DDHD1: variants seen among roughly 807,000 people sequenced by gnomAD.
The protein encoded by DDHD1 is phospholipase DDHD1.
A neutral mutation model predicts 96.4 loss-of-function variants in DDHD1; 49 were observed. That is an observed-to-expected ratio of 0.51 (90% confidence interval 0.40 to 0.64). The LOEUF (loss-of-function observed/expected upper bound fraction) is 0.64, where lower values mean the gene tolerates loss of function less well. DDHD1 is among the 30% of genes least tolerant of loss of function. DDHD1 has a pLI of 0.00. For missense variants in DDHD1, 1,106 were observed against 1,161.2 expected (o/e 0.95, Z 0.69); for synonymous variants, 442 against 446.5 (o/e 0.99, Z 0.13).
At chr14:53,134,293 A>G (rs913028714) in intron 1 of DDHD1, among the ~76,000 whole-genome samples, 9 of 152,036 alleles carry the variant, frequency 5.9e-5, no homozygotes, top group African/African-American at 9.7e-5. Flanking sequence ...ATCATAGCGG[A>G]TATCTCCTGG....
At chr14:53,067,961 T>C (rs1277168294) in intron 6 of DDHD1, among the ~76,000 whole-genome samples, 1 of 152,202 alleles carries the variant, frequency 6.6e-6, no homozygotes, top group African/African-American at 2.4e-5. Context: ...ATATATGTCA[T>C]GATCTTTTAC....
intron 11 of DDHD1, 37 bp downstream of exon 11, chr14:53,054,401 T>C (rs772273280): frequency 6.3e-6 from 10 of 1,585,594 alleles, no homozygotes; most frequent in Non-Finnish European, 8.6e-6. Flanking sequence ...TTTAAAAAGA[T>C]ACAGTATCAA....
At chr14:53,148,480 T>C (rs1891144299) in intron 1 of DDHD1, among the ~76,000 whole-genome samples, 1 of 151,546 alleles carries the variant, frequency 6.6e-6, no homozygotes, top group Admixed American at 6.6e-5. Flanking sequence ...GCCTGGCTAA[T>C]TTTTGTACTT....
At chr14:53,123,890 TCAA>T (rs921582099) in intron 1 of DDHD1, among the ~76,000 whole-genome samples, 10 of 152,078 alleles carry the variant, frequency 6.6e-5, no homozygotes, top group African/African-American at 2.4e-4. Context: ...CATAATAAAG[TCAA>T]CAATTAAAAA....
At chr14:53,101,187 A>G (rs1482075131) in intron 2 of DDHD1, among the ~76,000 whole-genome samples, 1 of 152,184 alleles carries the variant, frequency 6.6e-6, no homozygotes, top group South Asian at 2.1e-4. Context: ...TAAAAAGATT[A>G]TAATATTTTT....
chr14:53,072,131 T>A (rs1408924610), intron 6 of DDHD1, among the ~76,000 whole-genome samples: 1 of 152,102 alleles, frequency 6.6e-6, no homozygotes, highest in South Asian at 2.1e-4. Context: ...AGTGACAGAA[T>A]GCATTTGGTG....
chr14:53,070,520 G>A (rs1398509501), intron 6 of DDHD1, among the ~76,000 whole-genome samples: 1 of 152,100 alleles, frequency 6.6e-6, no homozygotes, highest in Non-Finnish European at 1.5e-5. Context: ...TTGAATTTAT[G>A]AAGATAGAAT....
At position 53,046,871 on chromosome 14, in the gene DDHD1, T is replaced by C; in HGVS notation, c.2600A>G (p.His867Arg). ...ESRYWSAVTS[H>R]TAYWSSLDVA... ...ATCCAAGGATGACCAATAGGCAGTATGCGACGTGACAGCTGACCAATAGCG... is the reference window on the plus strand; with the variant it reads ...ATCCAAGGATGACCAATAGGCAGTACGCGACGTGACAGCTGACCAATAGCG... The change falls in exon 13 of 13, where the codon CAT becomes CGT. Residue 867 changes from histidine to arginine, a missense_variant. This residue lies in a region of DDHD1 where 650 missense variants were observed against 758.8 expected (regional missense o/e 0.86). Coordinates refer to ENST00000673822, the MANE Select transcript of DDHD1 (RefSeq NM_001160148.2). The C allele has an allele frequency of 6.2e-7, 1 of 1,613,916 alleles. No individual in the cohort carries two copies. Among genetic ancestry groups the C allele is most frequent in the Non-Finnish European group, 8.5e-7 (1 of 1,179,872 alleles).
At chr14:53,100,822 C>A (rs906177679) in intron 2 of DDHD1, among the ~76,000 whole-genome samples, 2 of 152,054 alleles carry the variant, frequency 1.3e-5, no homozygotes, top group Non-Finnish European at 2.9e-5. Flanking sequence ...TTCCAGAAAG[C>A]CTTATGTGAA....
chr14:53,145,446 T>A (rs1408046576), intron 1 of DDHD1, among the ~76,000 whole-genome samples: 1 of 136,856 alleles, frequency 7.3e-6, no homozygotes, highest in African/African-American at 2.8e-5. Context: ...AAGGCTGCAG[T>A]GAACTATGAT....
chr14:53,133,810 C>A (rs1477815583), intron 1 of DDHD1, among the ~76,000 whole-genome samples: 2 of 152,166 alleles, frequency 1.3e-5, no homozygotes, highest in Admixed American at 1.3e-4. Flanking sequence ...GATTCCCAGT[C>A]ATATGAAGAC....
intron 1 of DDHD1, among the ~76,000 whole-genome samples, chr14:53,110,073 A>G (rs1029730388): frequency 6.6e-6 from 1 of 152,224 alleles, no homozygotes; most frequent in African/African-American, 2.4e-5. Context: ...GAAAGCTGAC[A>G]GTATTTAGGT....
chr14:53,093,338 G>C lies in DDHD1; in HGVS notation c.1119C>G (p.Thr373=). 6.2e-7 allele frequency: 1 copy of C among 1,610,308 alleles called. No individual in the cohort carries two copies. The highest frequency in any genetic ancestry group is 8.5e-7 in the Non-Finnish European group (1 of 1,178,992). The change falls in exon 3 of 13, where the codon ACC becomes ACG. Residue 373 remains threonine (T), a synonymous_variant. Transcript: ENST00000673822. ...TACCTTTAGAAAATCCCAGTTTTTG[G>C]GTAACTGTTCTTGCAATTTTAGATG... ...ATTSKIARTV[T]QKLGFSKASS...
chr14:53,132,588 CT>C (rs1426190538), intron 1 of DDHD1, among the ~76,000 whole-genome samples: 1 of 152,214 alleles, frequency 6.6e-6, no homozygotes, highest in East Asian at 1.9e-4. Flanking sequence ...TGCAAAAGAA[CT>C]GTGCGTCAAT....
chr14:53,097,981 CTTTA>C (rs1393469879), intron 2 of DDHD1, among the ~76,000 whole-genome samples: 3 of 151,816 alleles, frequency 2.0e-5, no homozygotes, highest in East Asian at 1.9e-4. Context: ...AAGTCATTTG[CTTTA>C]TTTATTACAC....
At position 53,152,410 on chromosome 14, in the gene DDHD1, T is replaced by A. The variant is rs770689717; in HGVS notation, c.689A>T (p.Asp230Val). The A allele has an allele frequency of 1.4e-4, 224 of 1,613,712 alleles. No individual in the cohort carries two copies. Among genetic ancestry groups the A allele is most frequent in the Non-Finnish European group, 1.8e-4 (213 of 1,179,950 alleles). The change falls in exon 1 of 13, where the codon GAT becomes GTT. Residue 230 changes from aspartate to valine, a missense_variant. By Grantham distance (152) the Asp-to-Val change is radical (BLOSUM62 -3). Transcript: ENST00000673822. ...GCAGAAGCCGCAGGCGCGGTCCTCA[T>A]CGTCATCTTCTCCGGAACTGGAGGC... ...GPASSSGEDD[D>V]EDRACGFCQS...
intron 2 of DDHD1, chr14:53,103,128 A>G (rs1270143147): frequency 1.4e-6 from 2 of 1,440,822 alleles, no homozygotes; most frequent in African/African-American, 1.4e-5. Flanking sequence ...TAGACACACA[A>G]TGAAAATGTG....
At chr14:53,146,520 T>C (rs1400414230) in intron 1 of DDHD1, among the ~76,000 whole-genome samples, 1 of 150,898 alleles carries the variant, frequency 6.6e-6, no homozygotes, top group Non-Finnish European at 1.5e-5. Flanking sequence ...AATTAATGAA[T>C]GTATAATTCA....
intron 4 of DDHD1, among the ~76,000 whole-genome samples, chr14:53,089,591 C>G (rs1374328083): frequency 2.0e-5 from 3 of 152,078 alleles, no homozygotes; most frequent in Non-Finnish European, 2.9e-5. Context: ...ATAAATGATG[C>G]TGGGAAAACT....
Sources: gnomAD v4.1 joint callset for allele counts (sites outside exome capture counted in the v4.1 genomes callset) on GRCh38, gnomAD v4.1.1 for gene constraint, gnomAD v4.1.1 regional missense constraint, MANE v1.5 for transcripts, NCBI Gene and HGNC (gene_info 2026-07-23, HGNC 2026-07-21) for gene names.